ATM: variants seen among roughly 807,000 people sequenced by gnomAD.
ATM encodes ATM serine/threonine kinase, also known as serine-protein kinase ATM.
ATM carries 308 observed loss-of-function variants against 387.0 expected under a neutral mutation model. The observed-to-expected ratio is 0.80, with a 90% CI of 0.73 to 0.87. The LOEUF (loss-of-function observed/expected upper bound fraction) is 0.87. Among genes scored for constraint, ATM ranks in the 40% least tolerant of loss-of-function variants. ATM has a pLI of 0.00. For missense variants in ATM, 3,312 were observed against 3,560.9 expected, an observed-to-expected ratio of 0.93 and a Z score of 1.78; for synonymous variants, 1,156 against 1,187.3, an observed-to-expected ratio of 0.97 and a Z score of 0.54.
intron 59 of ATM, among the ~76,000 whole-genome samples, chr11:108,353,273 C>G (rs567594979): frequency 7.2e-5 from 11 of 152,076 alleles, no homozygotes; most frequent in African/African-American, 2.4e-4. Context: ...CTCAGCCTCC[C>G]GAGTAACTGG....
intron 56 of ATM, 67 bp from the exon 57 acceptor site, chr11:108,343,155 C>T (rs1274187426): frequency 1.3e-6 from 2 of 1,585,758 alleles, no homozygotes; most frequent in East Asian, 2.2e-5. Flanking sequence ...ACTCTGATAG[C>T]TGAATGATCA....
chr11:108,280,680 T>C (rs1176039875), intron 23 of ATM, among the ~76,000 whole-genome samples: 2 of 152,212 alleles, frequency 1.3e-5, no homozygotes, highest in African/African-American at 4.8e-5. Flanking sequence ...ATAACTATAA[T>C]GTTTGGTTTG....
At chr11:108,317,341 CT>C (rs2084766740) in intron 42 of ATM, 31 bp from the exon 43 acceptor site, 5 of 1,600,704 alleles carry the variant, frequency 3.1e-6, no homozygotes, top group Non-Finnish European at 3.4e-6. Flanking sequence ...TCTTTGATTA[CT>C]TAACTTAAAA....
intron 60 of ATM, among the ~76,000 whole-genome samples, chr11:108,354,570 A>G (rs1011318522): frequency 4.6e-5 from 7 of 152,112 alleles, no homozygotes; most frequent in Non-Finnish European, 8.8e-5. Context: ...CATGCCTGTA[A>G]TCAATAGTGT....
Position 108,331,425 on chromosome 11 carries a change from G to T in ATM, c.7516-19G>T. 1 of 1,607,756 alleles carries T rather than the reference G, an allele frequency of 6.2e-7. No individual in the cohort carries two copies. Among genetic ancestry groups the T allele is most frequent in the East Asian group, 2.3e-5 (1 of 44,416 alleles). ...GAAATACCTTGTTTCTTAATTTTGT[G>T]TCTTTTTTTTAATGGTAGAGAGACG... On this transcript the variant is annotated intron_variant, in intron 50 of 62. Coordinates refer to ENST00000675843, the MANE Select transcript of ATM (RefSeq NM_000051.4).
intron 25 of ATM, among the ~76,000 whole-genome samples, chr11:108,283,127 C>T (rs2082322322): frequency 6.6e-6 from 1 of 152,166 alleles, no homozygotes; most frequent in Non-Finnish European, 1.5e-5. Context: ...CATAAAGACC[C>T]TCTATGCCTT....
chr11:108,282,514 TA>T (rs1220569589), intron 24 of ATM, among the ~76,000 whole-genome samples, 195 bp from the exon 25 acceptor site: 1 of 152,196 alleles, frequency 6.6e-6, no homozygotes, highest in Non-Finnish European at 1.5e-5. Context: ...TAACATTTAT[TA>T]AGGGTTTGCT....
At position 108,350,784 on chromosome 11, in the gene ATM, T is replaced by C. The variant is rs191782677; in HGVS notation, c.8672-2982T>C. ...TGGTCTGGAAGATGCAAATTAGAGG[T>C]AGGAGTATGCCAACCTGAGTCCATT... is the stretch of plus-strand genomic sequence containing the variant. On this transcript the variant is annotated intron_variant, in intron 59 of 62. Transcript: ENST00000675843. 2.6e-5 allele frequency among the ~76,000 whole-genome samples: 4 copies of C among 152,248 alleles called. No homozygotes were observed. In the East Asian group the frequency reaches 7.7e-4, roughly 29 times the overall value.
intron 16 of ATM, among the ~76,000 whole-genome samples, chr11:108,263,838 G>A (rs1462576565): frequency 1.3e-5 from 2 of 151,066 alleles, no homozygotes; most frequent in Non-Finnish European, 3.0e-5. Context: ...TACCATCAGA[G>A]AATACTACAA....
chr11:108,300,442 T>C (rs1408623868), intron 34 of ATM, among the ~76,000 whole-genome samples: 1 of 152,222 alleles, frequency 6.6e-6, no homozygotes, highest in Admixed American at 6.5e-5. Flanking sequence ...TCTTATTTAT[T>C]TGTTGATTGA....
rs587781635 is a variant in ATM, at chr11:108,253,817, ACACCAC to A, written c.1905_1910del (p.His635_His636del). ...TAAAGATCTTACTTTCTTGAAGTGAACACCACCAAAAAGATAAAGAAGAACTTTCAT... is the reference window on the plus strand; with the variant it reads ...TAAAGATCTTACTTTCTTGAAGTGAACAAAAAGATAAAGAAGAACTTTCAT... On this transcript the variant is annotated inframe_deletion, in exon 13 of 63. Transcript: ENST00000675843. 2.5e-6 allele frequency: 4 copies of A among 1,612,614 alleles called. No individual in the cohort carries two copies. In the African/African-American group the frequency reaches 5.3e-5, roughly 22 times the overall value.
rs1185359350 is a variant in ATM at position 108,227,690 on chromosome 11, A to G, written c.66A>G (p.Glu22=). The change falls in exon 2 of 63, where the codon GAA becomes GAG. Residue 22 remains glutamate (E), a synonymous_variant. Transcript: ENST00000675843. ...AACTAGAACATGATAGAGCTACAGAACGAAAGGTAGTAAATTACTTAAATT... is the reference window on the plus strand; with the variant it reads ...AACTAGAACATGATAGAGCTACAGAGCGAAAGGTAGTAAATTACTTAAATT... ...CRQLEHDRAT[E]RKKEVEKFKR... The G allele has an allele frequency of 3.1e-6, 5 of 1,613,694 alleles. No individual in the cohort carries two copies. The highest frequency in any genetic ancestry group is 4.2e-6 in the Non-Finnish European group (5 of 1,179,794).
intron 4 of ATM, among the ~76,000 whole-genome samples, chr11:108,231,172 C>T (rs888127390): frequency 3.3e-5 from 5 of 152,096 alleles, no homozygotes; most frequent in Admixed American, 6.6e-5. Context: ...AAAAAACAAC[C>T]CCCAAAAATA....
At chr11:108,256,444 A>C (rs985596175) in intron 14 of ATM, 104 bp downstream of exon 14, 2 of 1,214,492 alleles carry the variant, frequency 1.6e-6, no homozygotes, top group Non-Finnish European at 2.3e-6. Context: ...TATGCAGGTT[A>C]ACCCTTTCTC....
At chr11:108,307,135 CT>C (rs912831531) in intron 37 of ATM, among the ~76,000 whole-genome samples, 4 of 151,122 alleles carry the variant, frequency 2.6e-5, no homozygotes, top group Non-Finnish European at 5.9e-5. Flanking sequence ...ATCACTTTTT[CT>C]TTTTTCTTTT....
intron 39 of ATM, among the ~76,000 whole-genome samples, chr11:108,311,704 A>C (rs76450177): frequency 4.2e-5 from 6 of 144,308 alleles, no homozygotes; most frequent in Non-Finnish European, 6.1e-5. Context: ...TCTCATAAAC[A>C]AAAAAAAAAA....
Position 108,296,714 on chromosome 11 carries a change from T to C in ATM, c.4910-573T>C, listed in dbSNP as rs139035634. Among the ~76,000 whole-genome samples, 320 of 152,368 alleles carry C rather than the reference T, an allele frequency of 2.1e-3. 3 individuals are homozygous for C. The highest frequency in any genetic ancestry group is 6.6e-3 in the African/African-American group (273 of 41,586). On this transcript the variant is annotated intron_variant, in intron 32 of 62. Transcript: ENST00000675843. ...TGTACTTGTGTTCTTGAGTATTTTA[T>C]GGGCTAGAGATCTGCCTTGTGCATT...
At chr11:108,331,838 TTTTG>T (rs749641521) in intron 51 of ATM, 37 bp from the exon 52 acceptor site, 36 of 1,594,528 alleles carry the variant, frequency 2.3e-5, no homozygotes, top group South Asian at 2.1e-4. Context: ...GATTATATTT[TTTTG>T]TTTATTTGCA....
At chr11:108,355,805 A>G (rs1233331754) in intron 61 of ATM, 7 of 152,256 alleles carry the variant, frequency 4.6e-5, no homozygotes, top group Non-Finnish European at 1.0e-4. Context: ...ATTCATTGGC[A>G]TTAACCATTA....
Sources: allele counts gnomAD v4.1 joint callset (sites outside exome capture counted in the v4.1 genomes callset), GRCh38; gene constraint gnomAD v4.1.1; transcripts MANE v1.5; gene names NCBI Gene and HGNC (gene_info 2026-07-23, HGNC 2026-07-21).